CLSTN2: variants seen among roughly 807,000 people sequenced by gnomAD.
CLSTN2 encodes the protein calsyntenin-2.
A neutral mutation model predicts 101.2 loss-of-function variants in CLSTN2; 48 were observed. That is an observed-to-expected ratio of 0.47 (90% CI 0.38 to 0.60). CLSTN2 has a LOEUF of 0.60. Ranked by LOEUF, CLSTN2 falls within the 20% of genes least tolerant of loss-of-function variation. CLSTN2 has a pLI of 0.00. For missense variants in CLSTN2, 1,160 were observed against 1,238.2 expected (o/e 0.94, Z 0.95); for synonymous variants, 481 against 463.6 (o/e 1.04, Z -0.48).
At chr3:140,020,277 G>C (rs1215863110) in intron 1 of CLSTN2, among the ~76,000 whole-genome samples, 1 of 152,174 alleles carries the variant, frequency 6.6e-6, no homozygotes, top group Non-Finnish European at 1.5e-5. Flanking sequence ...TGGTGACTCT[G>C]TGAGAAGACC....
intron 2 of CLSTN2, among the ~76,000 whole-genome samples, chr3:140,379,547 G>A (rs2087956271): frequency 1.3e-5 from 2 of 152,324 alleles, no homozygotes; most frequent in South Asian, 4.1e-4. Flanking sequence ...TCAGAGTAGT[G>A]GAGTGCTGAA....
At chr3:140,159,269 C>T (rs2010007303) in intron 1 of CLSTN2, among the ~76,000 whole-genome samples, 1 of 152,092 alleles carries the variant, frequency 6.6e-6, no homozygotes, top group Non-Finnish European at 1.5e-5. Flanking sequence ...TATTTGCAAA[C>T]TATGCATCCA....
chr3:139,967,180 G>C (rs918205545), intron 1 of CLSTN2, among the ~76,000 whole-genome samples: 9 of 152,166 alleles, frequency 5.9e-5, no homozygotes, highest in African/African-American at 2.2e-4. Context: ...CTGAAGGGAT[G>C]ATGGATAAAT....
chr3:139,987,381 C>A (rs964242480), intron 1 of CLSTN2, among the ~76,000 whole-genome samples: 1 of 152,160 alleles, frequency 6.6e-6, no homozygotes, highest in African/African-American at 2.4e-5. Context: ...ATGTTAATTG[C>A]AGCATTATCT....
intron 1 of CLSTN2, among the ~76,000 whole-genome samples, chr3:140,162,932 G>A (rs972486354): frequency 1.3e-5 from 2 of 152,146 alleles, no homozygotes; most frequent in African/African-American, 2.4e-5. Context: ...TAAGCCACAA[G>A]GGTTTTATTT....
chr3:140,369,882 G>A (rs2087832495), intron 2 of CLSTN2, among the ~76,000 whole-genome samples: 1 of 152,222 alleles, frequency 6.6e-6, no homozygotes, highest in African/African-American at 2.4e-5. Context: ...TAGGCTCCCT[G>A]TAAGTTGTTT....
At position 140,190,088 on chromosome 3, in the gene CLSTN2, A is replaced by G. The variant is rs927522714; in HGVS notation, c.232+14015A>G. Among the ~76,000 whole-genome samples, 2 of 152,180 alleles carry G rather than the reference A, an allele frequency of 1.3e-5. 1 individual carries two copies. Among genetic ancestry groups the G allele is most frequent in the South Asian group, 4.1e-4 (2 of 4,832 alleles). On this transcript the variant is annotated intron_variant, in intron 2 of 16. Coordinates refer to ENST00000458420, the MANE Select transcript of CLSTN2 (RefSeq NM_022131.3). ...CTAGGGCCTGTTTTATAAGGGACCTAATTTTACTTATGAGGGCTCTGCCCT... is the reference window on the plus strand; with the variant it reads ...CTAGGGCCTGTTTTATAAGGGACCTGATTTTACTTATGAGGGCTCTGCCCT...
chr3:140,457,186 C>T (rs1006395488), intron 6 of CLSTN2, among the ~76,000 whole-genome samples: 5 of 152,226 alleles, frequency 3.3e-5, no homozygotes, highest in African/African-American at 9.6e-5. Context: ...GCAGCCACCA[C>T]ACACACATCT....
At chr3:140,094,349 G>A (rs796088356) in intron 1 of CLSTN2, among the ~76,000 whole-genome samples, 26 of 152,312 alleles carry the variant, frequency 1.7e-4, no homozygotes, top group African/African-American at 6.3e-4. Context: ...TACTTTGCTA[G>A]AGGAGCTGTA....
intron 7 of CLSTN2, among the ~76,000 whole-genome samples, chr3:140,462,161 T>C (rs1043256698): frequency 5.9e-5 from 9 of 152,120 alleles, no homozygotes; most frequent in Non-Finnish European, 7.3e-5. Context: ...TCTGTGTATA[T>C]GTAGAATGCC....
intron 16 of CLSTN2, among the ~76,000 whole-genome samples, chr3:140,564,762 C>T (rs537916948): frequency 5.9e-5 from 9 of 152,308 alleles, no homozygotes; most frequent in Non-Finnish European, 1.2e-4. Context: ...CAAATTAACA[C>T]AGCCAATAGT....
intron 9 of CLSTN2, among the ~76,000 whole-genome samples, chr3:140,534,986 C>T (rs981204738): frequency 1.3e-5 from 2 of 152,174 alleles, no homozygotes; most frequent in Non-Finnish European, 2.9e-5. Context: ...CTAGTGATCG[C>T]CTCATCAGGG....
rs544022816 is a variant in CLSTN2 at position 140,015,765 on chromosome 3, G to T, written c.109+80282G>T. On this transcript the variant is annotated intron_variant, in intron 1 of 16. Transcript: ENST00000458420. Reference sequence around the variant, plus strand: ...CGATGATCAGGCCTGTCTGCCTAGAGCAGTTGCTCTTGTGATTATGGCAGA... The same window carrying T: ...CGATGATCAGGCCTGTCTGCCTAGATCAGTTGCTCTTGTGATTATGGCAGA... Among the ~76,000 whole-genome samples the T allele has an allele frequency of 4.5e-4, 69 of 152,372 alleles. 1 individual carries two copies. The highest frequency in any genetic ancestry group is 2.0e-3 in the Admixed American group (31 of 15,310).
In CLSTN2 at chr3:140,532,424, A is replaced by G. The variant is rs777666712; in HGVS notation, c.1445A>G (p.Asn482Ser). ...ACATATGAACCATACCTGGTGACCA[A>G]CGACTGGCCCATTCATCCATCTCAC... ...GATYEPYLVT[N>S]DWPIHPSHIA... is the part of the protein sequence containing the mutation. Residue 482 changes from asparagine (N) to serine (S), a missense_variant, in exon 9 of 17, where the codon AAC becomes AGC. Coordinates refer to ENST00000458420, the MANE Select transcript of CLSTN2 (RefSeq NM_022131.3). The G allele has an allele frequency of 4.3e-6, 7 of 1,613,904 alleles. No individual in the cohort carries two copies. Among genetic ancestry groups the G allele is most frequent in the Non-Finnish European group, 5.9e-6 (7 of 1,179,948 alleles).
chr3:140,413,055 A>G (rs1175387967), intron 4 of CLSTN2, among the ~76,000 whole-genome samples: 1 of 152,198 alleles, frequency 6.6e-6, no homozygotes, highest in Admixed American at 6.5e-5. Context: ...TAGAACAGAA[A>G]TAATGGAAAT....
chr3:140,393,764 T>C (rs1325350535), intron 2 of CLSTN2, among the ~76,000 whole-genome samples: 1 of 152,158 alleles, frequency 6.6e-6, no homozygotes, highest in Non-Finnish European at 1.5e-5. Context: ...TTAATAAGAT[T>C]CTCTACTCCT....
chr3:140,175,915 A>G, intron 1 of CLSTN2, 36 bp from the exon 2 acceptor site: 3 of 1,593,812 alleles, frequency 1.9e-6, no homozygotes, highest in Non-Finnish European at 2.6e-6. Context: ...TTATTTAAAT[A>G]ATGATCCTTT....
intron 1 of CLSTN2, among the ~76,000 whole-genome samples, chr3:140,017,439 A>G (rs1034982464): frequency 6.6e-6 from 1 of 152,246 alleles, no homozygotes; most frequent in African/African-American, 2.4e-5. Context: ...ACCTGGATAT[A>G]GGGATGCTGA....
rs72991710 is a variant in CLSTN2, at chr3:140,317,525, A to G, written c.233-86104A>G. On this transcript the variant is annotated intron_variant, in intron 2 of 16. Transcript: ENST00000458420. ...CTGTTGGCCACAGGACCCCAATTCC[A>G]GTGTGAGACCCATAAGTGACCACTG... 7.4e-3 allele frequency among the ~76,000 whole-genome samples: 1,121 copies of G among 152,264 alleles called. 15 individuals carry two copies. Among genetic ancestry groups the G allele is most frequent in the African/African-American group, 0.025 (1,059 of 41,544 alleles).
Sources: allele counts gnomAD v4.1 joint callset (sites outside exome capture counted in the v4.1 genomes callset), GRCh38; gene constraint gnomAD v4.1.1; transcripts MANE v1.5; gene names NCBI Gene and HGNC (gene_info 2026-07-23, HGNC 2026-07-21).